Variants in ANKRD44 observed in about 807,000 individuals in gnomAD.
ANKRD44 encodes the protein ankyrin repeat domain 44, also known as serine/threonine-protein phosphatase 6 regulatory ankyrin repeat subunit B.
In ANKRD44, 35 loss-of-function variants were observed where a neutral mutation model predicts 116.0. The observed-to-expected ratio is 0.30, with a 90% CI of 0.23 to 0.40. The LOEUF (loss-of-function observed/expected upper bound fraction) is 0.40. Among genes scored for constraint, ANKRD44 ranks in the 10% least tolerant of loss-of-function variants. The pLI, the probability that ANKRD44 is intolerant of heterozygous loss-of-function variation, is 1.00. For missense variants in ANKRD44, 1,014 were observed against 1,242.6 expected, an observed-to-expected ratio of 0.82 and a Z score of 2.77; for synonymous variants, 435 against 461.8, an observed-to-expected ratio of 0.94 and a Z score of 0.74.
At chr2:197,170,753 T>C (rs2080212751) in intron 2 of ANKRD44, among the ~76,000 whole-genome samples, 1 of 152,146 alleles carries the variant, frequency 6.6e-6, no homozygotes, top group Non-Finnish European at 1.5e-5. Flanking sequence ...AGATGCAGAG[T>C]TTAGAGTCTC....
In ANKRD44 at chr2:196,975,809, A is replaced by AAAAGAAAG. The variant is rs139764360; in HGVS notation, c.2369-8371_2369-8364dup. On this transcript the variant is annotated intron_variant, in intron 21 of 21. Coordinates refer to the ANKRD44 transcript ENST00000424317. ...TCTCAAAAAAAAAAAAGAAAAAGAA[A>AAAAGAAAG]AAAGAAAGAAAGAAAGAAAGAAAGA... 8.1e-5 allele frequency among the ~76,000 whole-genome samples: 11 copies of AAAAGAAAG among 136,478 alleles called. No homozygotes were observed. In the South Asian group the frequency reaches 1.4e-3, roughly 17 times the overall value. The allele number at this position is 136,478 out of a possible 152,430, so 89.5% of individuals were successfully genotyped here. A position where few individuals can be genotyped will look rare whatever the true frequency, so the allele number is the denominator to read the frequency against.
downstream of ANKRD44, among the ~76,000 whole-genome samples, chr2:196,983,094 G>C (rs2075813305): frequency 6.6e-6 from 1 of 152,012 alleles, no homozygotes; most frequent in African/African-American, 2.4e-5. Context: ...CTAAAACCTA[G>C]ATGACGGGTT....
intron 16 of ANKRD44, chr2:197,029,835 C>A: frequency 7.1e-6 from 2 of 280,650 alleles, no homozygotes; most frequent in South Asian, 7.0e-5. Flanking sequence ...TACCTTCAAC[C>A]ACCGAAGGAA....
chr2:197,055,052 G>A (rs1432004163), intron 16 of ANKRD44, among the ~76,000 whole-genome samples: 1 of 152,114 alleles, frequency 6.6e-6, no homozygotes, highest in Non-Finnish European at 1.5e-5. Flanking sequence ...TGAGACCTGT[G>A]ATGGATTTCT....
At chr2:196,968,612 A>G (rs143039676) in intron 21 of ANKRD44, among the ~76,000 whole-genome samples, 31 of 152,300 alleles carry the variant, frequency 2.0e-4, no homozygotes, top group Non-Finnish European at 3.8e-4. Flanking sequence ...CCCCAGTAGA[A>G]GACACATTCT....
At chr2:197,299,554 G>A (rs980386111) in intron 1 of ANKRD44, 1 of 152,148 alleles carries the variant, frequency 6.6e-6, no homozygotes, top group Non-Finnish European at 1.5e-5. Flanking sequence ...AATTGGAGAC[G>A]ATTATTCTAA....
intron 1 of ANKRD44, among the ~76,000 whole-genome samples, chr2:197,297,049 C>T (rs2083744871): frequency 6.6e-6 from 1 of 152,158 alleles, no homozygotes; most frequent in African/African-American, 2.4e-5. Flanking sequence ...AAGTGGCATT[C>T]TTATAAGTAA....
In ANKRD44 at chr2:197,081,683, A is replaced by C. The variant is rs1174974041; in HGVS notation, c.1500T>G (p.Leu500=). ...TTTCCTTCAGCTCCCTGGCTCTTTC[A>C]AGTTCTTCTGAATTATCATGGGCAT... ...LGNAHDNSEE[L]ERARELKEKE... Residue 500 remains leucine, a synonymous_variant, in exon 15 of 28, where the codon CTT becomes CTG. Transcript: ENST00000282272. 6.2e-7 allele frequency: 1 copy of C among 1,613,868 alleles called. No individual in the cohort carries two copies.
At chr2:196,967,559 G>A in intron 21 of ANKRD44, 1 of 398,770 alleles carries the variant, frequency 2.5e-6, no homozygotes, top group Non-Finnish European at 5.3e-6. Context: ...CAAAATGGGG[G>A]ATGGGGAATG....
intron 10 of ANKRD44, among the ~76,000 whole-genome samples, chr2:197,099,000 T>C (rs1304008823): frequency 6.6e-6 from 1 of 152,088 alleles, no homozygotes; most frequent in Non-Finnish European, 1.5e-5. Context: ...GTGTGGAGTC[T>C]TTGCCTCTTT....
intron 2 of ANKRD44, among the ~76,000 whole-genome samples, chr2:197,171,177 C>T (rs1229980148): frequency 6.6e-6 from 1 of 152,304 alleles, no homozygotes; most frequent in East Asian, 1.9e-4. Context: ...ACCCCCAGCC[C>T]TTAGGAGTAC....
chr2:197,276,916 G>C (rs2083103544), intron 1 of ANKRD44, among the ~76,000 whole-genome samples: 1 of 146,654 alleles, frequency 6.8e-6, no homozygotes, highest in Non-Finnish European at 1.5e-5. Context: ...TCTGGGGCTA[G>C]AACCCAGGAA....
At chr2:197,136,482 C>T (rs2079219149) in intron 4 of ANKRD44, 110 bp downstream of exon 4, 1 of 984,988 alleles carries the variant, frequency 1.0e-6, no homozygotes, top group Admixed American at 2.0e-5. Flanking sequence ...AACCCTCTTA[C>T]ATTAGAGGTA....
In ANKRD44 at chr2:197,034,541, T is replaced by TA. The variant is rs879318253; in HGVS notation, c.1651-9275dup. On this transcript the variant is annotated intron_variant, in intron 16 of 27. Coordinates refer to ENST00000282272, the MANE Select transcript of ANKRD44 (RefSeq NM_001195144.2). ...CCAAGGACTGACTTGGTCCTCTGCC[T>TA]AAAAAAAAAAAAATCTATTAAAATG... Among the ~76,000 whole-genome samples the TA allele has an allele frequency of 3.6e-3, 502 of 139,770 alleles. 5 individuals carry two copies. Among genetic ancestry groups the TA allele is most frequent in the African/African-American group, 0.01 (388 of 38,116 alleles). 91.7% of individuals were successfully genotyped at this position (139,770 alleles called of 152,430 possible).
Position 196,989,513 on chromosome 2 carries a change from C to CAA in ANKRD44, c.*77_*78insTT. 1 of 1,447,270 alleles carries CAA rather than the reference C, an allele frequency of 6.9e-7. No individual in the cohort carries two copies. Among genetic ancestry groups the CAA allele is most frequent in the South Asian group, 1.5e-5 (1 of 68,344 alleles). The allele number at this position is 1,447,270 out of a possible 1,614,324, so 89.7% of individuals were successfully genotyped here. A position where few individuals can be genotyped will look rare whatever the true frequency, so the allele number is the denominator to read the frequency against. ...ATGTGTAGCTGGCTGATGAACTACA[C>CAA]ACACACACACATATATATATATATA... On this transcript the variant is annotated 3_prime_UTR_variant, in exon 28 of 28. Transcript: ENST00000282272.
chr2:196,990,632 C>T (rs2075898661), intron 27 of ANKRD44: 1 of 1,231,818 alleles, frequency 8.1e-7, no homozygotes. Context: ...AAGCTTCTTT[C>T]CTTTCCTCCA....
chr2:197,039,132 G>A (rs2076861039), intron 16 of ANKRD44, among the ~76,000 whole-genome samples: 1 of 152,176 alleles, frequency 6.6e-6, no homozygotes, highest in Non-Finnish European at 1.5e-5. Context: ...TATTCTATCT[G>A]GTGCCAATAC....
chr2:197,246,786 C>T (rs183649456), intron 1 of ANKRD44, among the ~76,000 whole-genome samples: 2 of 152,054 alleles, frequency 1.3e-5, no homozygotes, highest in Non-Finnish European at 2.9e-5. Context: ...CTATGAGGTA[C>T]GTACAATATT....
intron 16 of ANKRD44, among the ~76,000 whole-genome samples, chr2:197,072,068 AAG>A: frequency 6.7e-6 from 1 of 150,274 alleles, no homozygotes; most frequent in Non-Finnish European, 1.5e-5. Context: ...GGAAGGAAGG[AAG>A]GAAGGAAGGA....
Sources: allele counts gnomAD v4.1 joint callset (sites outside exome capture counted in the v4.1 genomes callset), GRCh38; gene constraint gnomAD v4.1.1; transcripts MANE v1.5; gene names NCBI Gene and HGNC (gene_info 2026-07-23, HGNC 2026-07-21).